Variants in NKAIN3 observed in about 807,000 individuals in gnomAD.
NKAIN3 encodes the protein sodium/potassium transporting ATPase interacting 3, also known as sodium/potassium-transporting ATPase subunit beta-1-interacting protein 3.
NKAIN3 carries 25 observed loss-of-function variants against 30.2 expected under a neutral mutation model. That is an observed-to-expected ratio of 0.83 (90% CI 0.60 to 1.16). The LOEUF is 1.16. Among genes scored for constraint, NKAIN3 ranks in the 50% most tolerant of loss-of-function variants. The pLI, the probability that NKAIN3 is intolerant of heterozygous loss-of-function variation, is 0.00. For synonymous variants in NKAIN3, 91 were observed against 89.6 expected, an observed-to-expected ratio of 1.02 and a Z score of -0.09; for missense variants, 225 against 254.1, an observed-to-expected ratio of 0.89 and a Z score of 0.78.
chr8:62,975,107 T>G lies in NKAIN3; in HGVS notation c.*9700T>G, dbSNP rs1184440279. Among the ~76,000 whole-genome samples the G allele has an allele frequency of 6.6e-6, 1 of 152,198 alleles. No individual in the cohort carries two copies. The highest frequency in any genetic ancestry group is 6.5e-5 in the Admixed American group (1 of 15,280). On this transcript the variant is annotated 3_prime_UTR_variant, in exon 7 of 7. Transcript: ENST00000623646. ...TTCACATAGATGTTCATCAGGGATA[T>G]TGGCCTGAAATTTTCATTTTTTGTT...
chr8:62,851,660 G>C (rs953900103), intron 4 of NKAIN3, among the ~76,000 whole-genome samples: 1 of 152,124 alleles, frequency 6.6e-6, no homozygotes, highest in African/African-American at 2.4e-5. Context: ...AGAGTTTTTA[G>C]CATGAAGCAT....
intron 4 of NKAIN3, among the ~76,000 whole-genome samples, chr8:62,828,302 G>T (rs1203072303): frequency 6.6e-6 from 1 of 151,944 alleles, no homozygotes; most frequent in Non-Finnish European, 1.5e-5. Flanking sequence ...TCTTTGAGGT[G>T]ATAAAACTGT....
At chr8:62,262,826 T>C (rs151006436) in intron 1 of NKAIN3, among the ~76,000 whole-genome samples, 282 of 152,294 alleles carry the variant, frequency 1.9e-3, no homozygotes, top group African/African-American at 6.4e-3. Context: ...ATTATTAATA[T>C]GTTTGTTTGG....
At chr8:62,817,172 T>C (rs1442684866) in intron 4 of NKAIN3, among the ~76,000 whole-genome samples, 2 of 152,172 alleles carry the variant, frequency 1.3e-5, no homozygotes, top group South Asian at 2.1e-4. Context: ...TATCTATTTG[T>C]TGTTTTGATC....
chr8:62,800,810 A>G (rs975104901), intron 4 of NKAIN3, among the ~76,000 whole-genome samples: 3 of 152,226 alleles, frequency 2.0e-5, no homozygotes, highest in Non-Finnish European at 4.4e-5. Flanking sequence ...AAGCAGGGCG[A>G]GGCATTGCCT....
chr8:62,902,258 C>A (rs1339414909), intron 4 of NKAIN3, among the ~76,000 whole-genome samples: 1 of 152,166 alleles, frequency 6.6e-6, no homozygotes, highest in Non-Finnish European at 1.5e-5. Flanking sequence ...CAAAAAGAGT[C>A]CAAATGCTCT....
At chr8:62,509,534 C>A (rs548651386) in intron 1 of NKAIN3, among the ~76,000 whole-genome samples, 4 of 152,012 alleles carry the variant, frequency 2.6e-5, no homozygotes, top group Non-Finnish European at 4.4e-5. Flanking sequence ...TAATGAAATG[C>A]GGCAGTGGTT....
intron 3 of NKAIN3, among the ~76,000 whole-genome samples, chr8:62,711,470 A>C (rs2130494295): frequency 6.6e-6 from 1 of 152,194 alleles, no homozygotes; most frequent in Non-Finnish European, 1.5e-5. Context: ...GGATTGGGTT[A>C]ATTGGAAGAC....
At chr8:62,586,668 A>G (rs1184878010) in intron 2 of NKAIN3, among the ~76,000 whole-genome samples, 8 of 152,130 alleles carry the variant, frequency 5.3e-5, no homozygotes, top group Non-Finnish European at 8.8e-5. Flanking sequence ...AATAATTCAT[A>G]TTATAAACTA....
intron 4 of NKAIN3, among the ~76,000 whole-genome samples, chr8:62,821,327 G>A (rs1818842128): frequency 6.6e-6 from 1 of 152,080 alleles, no homozygotes; most frequent in African/African-American, 2.4e-5. Flanking sequence ...ACTATATCAA[G>A]ACAGAGGTCT....
At chr8:62,433,165 G>T (rs1355584165) in intron 1 of NKAIN3, among the ~76,000 whole-genome samples, 2 of 152,062 alleles carry the variant, frequency 1.3e-5, no homozygotes, top group African/African-American at 4.8e-5. Flanking sequence ...TCAGTTCAAT[G>T]CAACTGAAAA....
At chr8:62,369,869 T>A (rs1816854044) in intron 1 of NKAIN3, among the ~76,000 whole-genome samples, 1 of 151,948 alleles carries the variant, frequency 6.6e-6, no homozygotes, top group African/African-American at 2.4e-5. Context: ...TGCTGACTTT[T>A]CTGCTGATGT....
chr8:62,359,024 A>G (rs1816453311), intron 1 of NKAIN3, among the ~76,000 whole-genome samples: 1 of 152,260 alleles, frequency 6.6e-6, no homozygotes, highest in East Asian at 1.9e-4. Context: ...TACTAAAAAA[A>G]ATACAAAAAA....
At position 62,960,121 on chromosome 8, in the gene NKAIN3, C is replaced by T. The variant is rs534060538; in HGVS notation, c.604-5233C>T. Reference sequence around the variant, plus strand: ...CAGTGAAATGGCTGTGTGTATATAGCTTACGCAGTTCAGACTTATCACCGT... The same window carrying T: ...CAGTGAAATGGCTGTGTGTATATAGTTTACGCAGTTCAGACTTATCACCGT... On this transcript the variant is annotated intron_variant, in intron 6 of 6. Coordinates refer to ENST00000623646, the MANE Select transcript of NKAIN3 (RefSeq NM_001304533.3). Among the ~76,000 whole-genome samples the T allele has an allele frequency of 8.2e-4, 125 of 152,330 alleles. 1 individual carries two copies. The highest frequency in any genetic ancestry group is 3.0e-3 in the African/African-American group (123 of 41,580).
intron 1 of NKAIN3, among the ~76,000 whole-genome samples, chr8:62,363,104 C>G (rs1456795256): frequency 6.6e-6 from 1 of 152,150 alleles, no homozygotes; most frequent in African/African-American, 2.4e-5. Flanking sequence ...TTTGCTGTAA[C>G]AGTATGACTA....
chr8:62,573,145 A>T (rs996973811), intron 1 of NKAIN3, among the ~76,000 whole-genome samples: 1 of 152,152 alleles, frequency 6.6e-6, no homozygotes, highest in African/African-American at 2.4e-5. Flanking sequence ...CAAAATATAG[A>T]CACATAACAT....
At chr8:62,748,404 G>A (rs1373095190) in intron 4 of NKAIN3, among the ~76,000 whole-genome samples, 1 of 152,106 alleles carries the variant, frequency 6.6e-6, no homozygotes. Context: ...AAAAGGTGAA[G>A]TCAACACGCA....
intron 1 of NKAIN3, among the ~76,000 whole-genome samples, chr8:62,463,717 C>T (rs1806067864): frequency 6.6e-6 from 1 of 152,074 alleles, no homozygotes; most frequent in Non-Finnish European, 1.5e-5. Context: ...CCAGTGGCTA[C>T]CTGAAACTGT....
At chr8:62,884,140 C>G (rs1336516952) in intron 4 of NKAIN3, among the ~76,000 whole-genome samples, 2 of 152,080 alleles carry the variant, frequency 1.3e-5, no homozygotes, top group African/African-American at 4.8e-5. Flanking sequence ...GTGTCTATGG[C>G]CTGCAGTTTT....
Sources: allele counts gnomAD v4.1 joint callset (sites outside exome capture counted in the v4.1 genomes callset), GRCh38; gene constraint gnomAD v4.1.1; transcripts MANE v1.5; gene names NCBI Gene and HGNC (gene_info 2026-07-23, HGNC 2026-07-21).